The following POU2F3 variants were observed in gnomAD, a reference collection of about 807,000 sequenced individuals.
The protein encoded by POU2F3 is POU domain, class 2, transcription factor 3.
POU2F3 carries 23 observed loss-of-function variants against 59.2 expected under a neutral mutation model. The observed-to-expected ratio is 0.39, with a 90% CI of 0.28 to 0.55. POU2F3 has a LOEUF of 0.55. POU2F3 is among the 20% of genes least tolerant of loss of function. POU2F3 has a pLI of 0.66. For missense variants in POU2F3, 473 were observed against 544.5 expected (o/e 0.87, Z 1.31); for synonymous variants, 190 against 214.6 (o/e 0.89, Z 1.00).
At chr11:120,240,101 G>A, upstream of POU2F3, 1 of 1,141,628 alleles carries the variant, frequency 8.8e-7, no homozygotes, top group Non-Finnish European at 1.1e-6. Flanking sequence ...AGGGGGCGTG[G>A]CCGGCGGCCC....
intron 3 of POU2F3, among the ~76,000 whole-genome samples, chr11:120,280,909 G>A (rs1463302331): frequency 2.6e-5 from 4 of 152,072 alleles, no homozygotes; most frequent in African/African-American, 4.8e-5. Flanking sequence ...TCGAGAAGCC[G>A]CCTCCCTGGG....
chr11:120,268,002 G>A (rs1454899529), intron 2 of POU2F3, among the ~76,000 whole-genome samples: 1 of 151,956 alleles, frequency 6.6e-6, no homozygotes, highest in African/African-American at 2.4e-5. Context: ...CATAGCAAAA[G>A]AGTGAAAATG....
In POU2F3 at chr11:120,269,851, G is replaced by A. The variant is rs138455038; in HGVS notation, c.132+607G>A. Among the ~76,000 whole-genome samples the A allele has an allele frequency of 2.8e-3, 423 of 152,312 alleles. 4 individuals are homozygous for A. Among genetic ancestry groups the A allele is most frequent in the East Asian group, 0.019 (97 of 5,184 alleles). ...TGGAAAGATTGCAGGACAGATGGAT[G>A]TGGATGTGTAAAGAGAAGGGGGAAG... On this transcript the variant is annotated intron_variant, in intron 3 of 12. Transcript: ENST00000543440.
At chr11:120,292,543 T>C (rs1274376201) in intron 3 of POU2F3, among the ~76,000 whole-genome samples, 3 of 152,164 alleles carry the variant, frequency 2.0e-5, no homozygotes, top group Non-Finnish European at 4.4e-5. Flanking sequence ...CAGCCTTCTG[T>C]GGGGGGCAAA....
At chr11:120,276,733 C>T (rs971881252) in intron 3 of POU2F3, among the ~76,000 whole-genome samples, 1 of 152,184 alleles carries the variant, frequency 6.6e-6, no homozygotes, top group Non-Finnish European at 1.5e-5. Flanking sequence ...AGGAGCCTGA[C>T]AGATAGAGCT....
intron 3 of POU2F3, among the ~76,000 whole-genome samples, chr11:120,274,088 AAAGGAAGGAAGGAAGGAAGAAAGG>A (rs1423660363): frequency 3.2e-3 from 307 of 95,628 alleles, no homozygotes; most frequent in African/African-American, 0.012. Flanking sequence ...AGAGAGAAAG[AAAGGAAGGAAGGAAGGAAGAAAGG>A]AAGGAAGGAA....
chr11:120,250,175 T>C (rs758427150), intron 2 of POU2F3: 1 of 152,304 alleles, frequency 6.6e-6, no homozygotes, highest in Non-Finnish European at 1.5e-5. Flanking sequence ...TCTCTCTCCA[T>C]CCTTTTTCCT....
chr11:120,266,991 C>A (rs1425916826), intron 2 of POU2F3, among the ~76,000 whole-genome samples: 1 of 152,136 alleles, frequency 6.6e-6, no homozygotes, highest in Non-Finnish European at 1.5e-5. Flanking sequence ...GAACATTACT[C>A]CTTATTAACC....
upstream of POU2F3, among the ~76,000 whole-genome samples, chr11:120,238,705 G>A (rs1029812901): frequency 2.0e-5 from 3 of 151,486 alleles, no homozygotes; most frequent in Admixed American, 6.6e-5. Flanking sequence ...GTAGTGGCAC[G>A]TGCTTATAGT....
In POU2F3 at chr11:120,305,100, T is replaced by C. The variant is rs139093583; in HGVS notation, c.515T>C (p.Val172Ala). The change falls in exon 7 of 13, where the codon GTG (valine) becomes GCG (alanine). Residue 172 changes from valine to alanine, a missense_variant. By Grantham distance (64) the Val-to-Ala change is moderately conservative. Transcript: ENST00000543440. The stretch of plus-strand genomic sequence containing the variant: ...CTGGAAGCATCCCAGCATCTCCCAG[T>C]GCCCAAGCATCTACCCAGCTCTGGA... ...PHLEASQHLP[V>A]PKHLPSSGGA... The C allele has an allele frequency of 1.2e-5, 20 of 1,613,838 alleles. No individual in the cohort carries two copies. The highest frequency in any genetic ancestry group is 1.7e-5 in the Non-Finnish European group (20 of 1,180,006).
In POU2F3 at chr11:120,316,040, T is replaced by C. The variant is rs540162455; in HGVS notation, c.1135+613T>C. ...GGCGTGTGCCACCACGCTCGGCTGA[T>C]TTTTTGTATTTTTAGTAGAGACAGG... On this transcript the variant is annotated intron_variant, in intron 11 of 12. Transcript: ENST00000543440. 4.6e-5 allele frequency among the ~76,000 whole-genome samples: 7 copies of C among 152,094 alleles called. No homozygotes were observed. The South Asian group carries it at 1.5e-3, about 32-fold the overall frequency.
intron 10 of POU2F3, among the ~76,000 whole-genome samples, chr11:120,310,713 C>G (rs1053421139): frequency 6.6e-6 from 1 of 152,128 alleles, no homozygotes; most frequent in Non-Finnish European, 1.5e-5. Flanking sequence ...ATGCAGCCTT[C>G]TCAGGGTGGG....
chr11:120,236,850 C>CT, upstream of POU2F3: 3 of 766,942 alleles, frequency 3.9e-6, no homozygotes, highest in Non-Finnish European at 4.3e-6. Context: ...CCCCAGCCTT[C>CT]TAAGCCTCAG....
At chr11:120,238,417 C>G (rs888445356), upstream of POU2F3, among the ~76,000 whole-genome samples, 2 of 152,046 alleles carry the variant, frequency 1.3e-5, no homozygotes, top group South Asian at 2.1e-4. Flanking sequence ...TTTCTGATAC[C>G]TGTTGTGTGC....
chr11:120,240,335 T>G lies in POU2F3; in HGVS notation c.-9T>G. ...GGGGGGCGCTGGCTTTGGCCCCGCC[T>G]GGGGCAGGATGGTGAATCTGGAGTC... On this transcript the variant is annotated 5_prime_UTR_variant, in exon 1 of 13. Transcript: ENST00000543440. 2 of 1,394,476 alleles carry G rather than the reference T, an allele frequency of 1.4e-6. No individual in the cohort carries two copies. Among genetic ancestry groups the G allele is most frequent in the African/African-American group, 1.5e-5 (1 of 68,602 alleles). The allele number at this position is 1,394,476 out of a possible 1,614,324, so 86.4% of individuals were successfully genotyped here. A position where few individuals can be genotyped will look rare whatever the true frequency, so the allele number is the denominator to read the frequency against.
chr11:120,236,649 G>C (rs868315403), upstream of POU2F3: 2 of 1,481,640 alleles, frequency 1.3e-6, no homozygotes, highest in Non-Finnish European at 9.1e-7. Context: ...TCTCACTCCA[G>C]CCCAGAGCTC....
intron 3 of POU2F3, among the ~76,000 whole-genome samples, chr11:120,272,595 T>C (rs1167085361): frequency 6.6e-6 from 1 of 152,208 alleles, no homozygotes; most frequent in East Asian, 1.9e-4. Flanking sequence ...CCCAGGCCAG[T>C]TGGTGCAGCC....
intron 2 of POU2F3, 117 bp downstream of exon 2, chr11:120,246,634 A>AG: frequency 9.6e-7 from 1 of 1,041,522 alleles, no homozygotes. Flanking sequence ...CCCCAAAGCT[A>AG]GGTCTTAGGA....
Position 120,298,352 on chromosome 11 carries a change from G to C in POU2F3, c.220G>C (p.Gly74Arg), listed in dbSNP as rs748894487. 1.8e-5 allele frequency: 29 copies of C among 1,613,574 alleles called. No individual in the cohort carries two copies. In the South Asian group the frequency reaches 3.1e-4, roughly 17 times the overall value. The change falls in exon 4 of 13, where the codon GGA becomes CGA. Residue 74 changes from glycine (G) to arginine (R), a missense_variant. Transcript: ENST00000543440. ...GAGTCAAGGACCTGCCATGATGTCC[G>C]GAAACCAAATGTCTGGGCTAAATGC... ...HLSQGPAMMS[G>R]NQMSGLNASP...
Sources: allele counts gnomAD v4.1 joint callset (sites outside exome capture counted in the v4.1 genomes callset), GRCh38; gene constraint gnomAD v4.1.1; transcripts MANE v1.5; gene names NCBI Gene and HGNC (gene_info 2026-07-23, HGNC 2026-07-21).